The following CNTN6 variants were observed in gnomAD, a reference collection of about 807,000 sequenced individuals.
The protein encoded by CNTN6 is contactin-6.
Under a neutral mutation model 122.8 loss-of-function variants are expected in CNTN6, and 137 were observed. The ratio of observed to expected loss-of-function variants is 1.12; its 90% CI spans 0.97 to 1.29. CNTN6 has a LOEUF of 1.29. CNTN6 is among the 50% of genes most tolerant of loss of function. The probability of loss-of-function intolerance (pLI) is 0.00; values close to 1 mark genes in which losing one functional copy is unlikely to be tolerated. For missense variants in CNTN6, 1,634 were observed against 1,223.4 expected (o/e 1.34, Z -5.01); for synonymous variants, 570 against 426.0 (o/e 1.34, Z -4.16).
chr3:1,099,732 G>A lies in CNTN6; in HGVS notation c.-83+6612G>A, dbSNP rs186085563. 6.6e-5 allele frequency among the ~76,000 whole-genome samples: 10 copies of A among 152,086 alleles called. No homozygotes were observed. The East Asian group carries it at 7.7e-4, about 12-fold the overall frequency. ...TTCAACAAATGTACTTAATTCATCC[G>A]CACCTACTATGATGTTGATGAAGTT... On this transcript the variant is annotated intron_variant, in intron 1 of 22. Transcript: ENST00000446702.
chr3:1,374,882 G>T (rs1395069268), intron 16 of CNTN6, among the ~76,000 whole-genome samples: 1 of 152,048 alleles, frequency 6.6e-6, no homozygotes, highest in Non-Finnish European at 1.5e-5. Flanking sequence ...TAGAATTGGG[G>T]CTAGAAAAAG....
In CNTN6 at chr3:1,337,969, C is replaced by G. The variant is rs567821937; in HGVS notation, c.1364+8034C>G. On this transcript the variant is annotated intron_variant, in intron 11 of 22. Coordinates refer to ENST00000446702, the MANE Select transcript of CNTN6 (RefSeq NM_001289080.2). ...CACCTTTCACACAGTGCCTGCAGAA[C>G]CACCCAGATGCCATGGTCTGAAAAA... 9.5e-4 allele frequency among the ~76,000 whole-genome samples: 145 copies of G among 152,208 alleles called. 1 individual carries two copies. The highest frequency in any genetic ancestry group is 3.3e-3 in the Admixed American group (51 of 15,274).
chr3:1,389,243 A>T (rs1693708993), intron 20 of CNTN6, among the ~76,000 whole-genome samples: 2 of 152,048 alleles, frequency 1.3e-5, no homozygotes, highest in South Asian at 4.2e-4. Context: ...GCCAGAAGAG[A>T]GTGGGGGCCA....
chr3:1,226,883 A>G (rs1460041995), intron 3 of CNTN6, among the ~76,000 whole-genome samples: 3 of 152,162 alleles, frequency 2.0e-5, no homozygotes, highest in African/African-American at 7.2e-5. Context: ...AATAGTTTTA[A>G]GTGTTTATTT....
At chr3:1,212,437 CAT>C (rs1411611584) in intron 2 of CNTN6, among the ~76,000 whole-genome samples, 2 of 150,212 alleles carry the variant, frequency 1.3e-5, no homozygotes, top group African/African-American at 2.5e-5. Context: ...TATGTATACA[CAT>C]ATAGTTTTTA....
intron 4 of CNTN6, among the ~76,000 whole-genome samples, chr3:1,268,344 A>C (rs1414329047): frequency 1.3e-5 from 2 of 152,024 alleles, no homozygotes; most frequent in Non-Finnish European, 1.5e-5. Flanking sequence ...GCGGTGGCTC[A>C]CGCTTGTAAT....
At chr3:1,097,134 G>A (rs531307307) in intron 1 of CNTN6, among the ~76,000 whole-genome samples, 11 of 152,182 alleles carry the variant, frequency 7.2e-5, no homozygotes, top group African/African-American at 2.2e-4. Flanking sequence ...CATTTATTAC[G>A]GTAAAGGCGT....
intron 12 of CNTN6, among the ~76,000 whole-genome samples, chr3:1,367,389 C>G (rs1256864203): frequency 6.6e-6 from 1 of 151,912 alleles, no homozygotes; most frequent in Admixed American, 6.6e-5. Context: ...TATTTCTTAG[C>G]GTGACATCCA....
chr3:1,094,446 G>C (rs1186140966), intron 1 of CNTN6, among the ~76,000 whole-genome samples: 1 of 151,996 alleles, frequency 6.6e-6, no homozygotes, highest in African/African-American at 2.4e-5. Context: ...GCAGTCCAAA[G>C]ATTTCAAATA....
intron 11 of CNTN6, among the ~76,000 whole-genome samples, chr3:1,346,264 G>T (rs77073265): frequency 6.6e-6 from 1 of 152,236 alleles, no homozygotes; most frequent in Non-Finnish European, 1.5e-5. Flanking sequence ...TTCATACAAT[G>T]CAGGTGCTAT....
intron 4 of CNTN6, among the ~76,000 whole-genome samples, chr3:1,264,864 A>G (rs1044092152): frequency 2.0e-5 from 3 of 151,824 alleles, no homozygotes; most frequent in African/African-American, 4.8e-5. Flanking sequence ...CCCATTTCCT[A>G]TGCACCCCTC....
intron 5 of CNTN6, among the ~76,000 whole-genome samples, chr3:1,290,496 T>C: frequency 6.6e-6 from 1 of 152,066 alleles, no homozygotes; most frequent in Non-Finnish European, 1.5e-5. Flanking sequence ...TGTAAAGACA[T>C]TGAAAAGTAG....
chr3:1,171,645 T>C (rs1235359463), intron 2 of CNTN6, among the ~76,000 whole-genome samples: 2 of 152,166 alleles, frequency 1.3e-5, no homozygotes, highest in African/African-American at 4.8e-5. Flanking sequence ...TCTCACTCTG[T>C]TGCCCAGGCT....
intron 5 of CNTN6, among the ~76,000 whole-genome samples, chr3:1,285,427 TA>T (rs1486011140): frequency 7.2e-5 from 11 of 152,292 alleles, no homozygotes; most frequent in Non-Finnish European, 1.5e-4. Flanking sequence ...TGAAAGTTTC[TA>T]GCAGGCAGCT....
intron 11 of CNTN6, among the ~76,000 whole-genome samples, chr3:1,350,760 T>C (rs532930947): frequency 2.0e-5 from 3 of 149,896 alleles, no homozygotes; most frequent in Non-Finnish European, 3.0e-5. Flanking sequence ...CTGTCATGTG[T>C]TTTTTATTGG....
intron 4 of CNTN6, among the ~76,000 whole-genome samples, chr3:1,247,784 A>G (rs1041988584): frequency 6.6e-6 from 1 of 152,148 alleles, no homozygotes; most frequent in African/African-American, 2.4e-5. Context: ...GTAGCTTCCT[A>G]TAGCATATCT....
chr3:1,250,078 C>T (rs996590078), intron 4 of CNTN6, among the ~76,000 whole-genome samples: 1 of 152,076 alleles, frequency 6.6e-6, no homozygotes, highest in Non-Finnish European at 1.5e-5. Context: ...TTTGGCAAGT[C>T]TAGCTGACTA....
At chr3:1,236,654 A>G (rs1311433547) in intron 4 of CNTN6, among the ~76,000 whole-genome samples, 2 of 152,194 alleles carry the variant, frequency 1.3e-5, no homozygotes, top group African/African-American at 4.8e-5. Flanking sequence ...GACAATAATG[A>G]TAATATGACA....
rs1340368132 is a variant in CNTN6 at position 1,383,052 on chromosome 3, A to C, written c.2277A>C (p.Ser759=). 5.6e-6 allele frequency: 9 copies of C among 1,613,998 alleles called. No individual in the cohort carries two copies. Among genetic ancestry groups the C allele is most frequent in the South Asian group, 1.1e-5 (1 of 91,080 alleles). Residue 759 remains serine (S), a synonymous_variant, in exon 18 of 23, where the codon TCA becomes TCC. Transcript: ENST00000446702. ...AGAAAGTGTCATCTGTGGAATCATC[A>C]AGGTTTGTCTACAGAAATGAAAGCA... The part of the protein sequence containing the change: ...SKEKVSSVES[S]RFVYRNESII...
Sources: gnomAD v4.1 joint callset for allele counts (sites outside exome capture counted in the v4.1 genomes callset) on GRCh38, gnomAD v4.1.1 for gene constraint, MANE v1.5 for transcripts, NCBI Gene and HGNC (gene_info 2026-07-23, HGNC 2026-07-21) for gene names.